Variants in CLSTN1 observed in about 807,000 individuals in gnomAD.
The protein encoded by CLSTN1 is calsyntenin 1, also known as calsyntenin-1.
A neutral mutation model predicts 108.3 loss-of-function variants in CLSTN1; 28 were observed. The ratio of observed to expected loss-of-function variants is 0.26; its 90% CI spans 0.19 to 0.35. The LOEUF is 0.35. Among genes scored for constraint, CLSTN1 ranks in the 10% least tolerant of loss-of-function variants. The pLI, the probability that CLSTN1 is intolerant of heterozygous loss-of-function variation, is 1.00. For synonymous variants in CLSTN1, 524 were observed against 534.9 expected, an observed-to-expected ratio of 0.98 and a Z score of 0.28; for missense variants, 1,157 against 1,302.6, an observed-to-expected ratio of 0.89 and a Z score of 1.72.
intron 1 of CLSTN1, among the ~76,000 whole-genome samples, chr1:9,795,862 G>C (rs1357435141): frequency 6.6e-6 from 1 of 150,892 alleles, no homozygotes; most frequent in East Asian, 2.0e-4. Context: ...GGCTGAGGCA[G>C]GAGAACTGCT....
chr1:9,806,233 G>C (rs956218148), intron 1 of CLSTN1, among the ~76,000 whole-genome samples: 1 of 151,320 alleles, frequency 6.6e-6, no homozygotes, highest in African/African-American at 2.4e-5. Flanking sequence ...GGGGGTGGAG[G>C]GGGGGAGGTT....
intron 1 of CLSTN1, among the ~76,000 whole-genome samples, chr1:9,793,918 T>C (rs1653876760): frequency 6.6e-6 from 1 of 151,494 alleles, no homozygotes. Context: ...CTTCCCCTGG[T>C]GGGCCAGGGT....
intron 1 of CLSTN1, among the ~76,000 whole-genome samples, chr1:9,781,394 G>A (rs1006193825): frequency 6.6e-6 from 1 of 151,488 alleles, no homozygotes; most frequent in Admixed American, 6.6e-5. Flanking sequence ...ATAAATCAGT[G>A]GAAAGTGGCT....
At chr1:9,824,415 C>G (rs1186283048), upstream of CLSTN1, 1 of 152,130 alleles carries the variant, frequency 6.6e-6, no homozygotes, top group African/African-American at 2.4e-5. This position sits in a 1 kb window ranked among gnomAD's most constrained non-coding sequence, Gnocchi z 5.0. Context: ...CGGAGCAGTG[C>G]GGCCCAGGAC....
In CLSTN1 at chr1:9,799,982, C is replaced by G. The variant is rs115395948; in HGVS notation, c.91+23661G>C. 7.2e-5 allele frequency among the ~76,000 whole-genome samples: 11 copies of G among 151,984 alleles called. No homozygotes were observed. In the East Asian group the frequency reaches 2.1e-3, roughly 29 times the overall value. On this transcript the variant is annotated intron_variant, in intron 1 of 18. Transcript: ENST00000377298. Reference sequence around the variant, plus strand: ...CAAAAAACCACACATAAATGTAACACGTGGATCAACAAAGAAATATCGAGG... The same window carrying G: ...CAAAAAACCACACATAAATGTAACAGGTGGATCAACAAAGAAATATCGAGG...
intron 1 of CLSTN1, among the ~76,000 whole-genome samples, chr1:9,784,996 C>CA: frequency 7.5e-6 from 1 of 133,470 alleles, no homozygotes; most frequent in Middle Eastern, 3.8e-3. Flanking sequence ...GTCATAAATT[C>CA]TTTTTTTTTT....
At chr1:9,754,182 GA>G (rs1425466753) in intron 4 of CLSTN1, among the ~76,000 whole-genome samples, 1 of 152,060 alleles carries the variant, frequency 6.6e-6, no homozygotes, top group Non-Finnish European at 1.5e-5. Flanking sequence ...TCCTAAGGGA[GA>G]AGCAGACTTT....
chr1:9,761,565 A>G (rs1007561694), intron 2 of CLSTN1, among the ~76,000 whole-genome samples: 2 of 152,156 alleles, frequency 1.3e-5, no homozygotes, highest in African/African-American at 4.8e-5. Flanking sequence ...TGAAAAATGG[A>G]TGAACCCAAC....
At chr1:9,781,203 C>T in intron 1 of CLSTN1, 2 of 787,388 alleles carry the variant, frequency 2.5e-6, no homozygotes, top group Non-Finnish European at 4.5e-6. Context: ...CGCAAGGCTA[C>T]TGAAGCACTA....
chr1:9,822,327 G>T (rs1655219016), intron 1 of CLSTN1, among the ~76,000 whole-genome samples: 1 of 152,144 alleles, frequency 6.6e-6, no homozygotes, highest in Non-Finnish European at 1.5e-5. Context: ...TGAAATAAAA[G>T]AAGTATTCAA....
chr1:9,735,563 C>G lies in CLSTN1; in HGVS notation c.1787G>C (p.Gly596Ala). Reference protein sequence around the residue: ...LVLTLEGEDLGELDKAMQHIS... With the variant: ...LVLTLEGEDLAELDKAMQHIS... ...GTGCTGCATGGCCTTATCCAATTCCCCGAGGTCTTCTCCCTCCAAGGTCAA... is the reference window on the plus strand; with the variant it reads ...GTGCTGCATGGCCTTATCCAATTCCGCGAGGTCTTCTCCCTCCAAGGTCAA... Residue 596 changes from glycine (G) to alanine (A), a missense_variant, in exon 13 of 19, where the codon GGG becomes GCG. Physicochemically the swap from Gly to Ala is moderately conservative, Grantham distance 60. Transcript: ENST00000377298. 6.2e-7 allele frequency: 1 copy of G among 1,614,124 alleles called. No individual in the cohort carries two copies. The highest frequency in any genetic ancestry group is 1.1e-5 in the South Asian group (1 of 91,080).
chr1:9,730,744 G>A lies in CLSTN1; in HGVS notation c.2749-39C>T, dbSNP rs1650327702. On this transcript the variant is annotated intron_variant, in intron 18 of 18. Coordinates refer to ENST00000377298, the MANE Select transcript of CLSTN1 (RefSeq NM_001009566.3). The surrounding 1 kb of genome is among the most constrained non-coding windows in gnomAD (Gnocchi z 5.6). ...GTGACGGCCACATGAGTCCGGCCCT[G>A]CCCACAGCCCCGTCACCTGGCATTC... 2 of 1,537,452 alleles carry A rather than the reference G, an allele frequency of 1.3e-6. No homozygotes were observed. The highest frequency in any genetic ancestry group is 1.8e-6 in the Non-Finnish European group (2 of 1,137,992).
At chr1:9,808,319 C>T (rs1002708076) in intron 1 of CLSTN1, among the ~76,000 whole-genome samples, 11 of 152,312 alleles carry the variant, frequency 7.2e-5, no homozygotes, top group African/African-American at 2.6e-4. Context: ...TGTACTGCAA[C>T]GTGGGTGAGC....
intron 1 of CLSTN1, among the ~76,000 whole-genome samples, chr1:9,808,064 C>G (rs1440860509): frequency 1.3e-5 from 2 of 152,216 alleles, no homozygotes. Flanking sequence ...CGCTGGTTTA[C>G]AGAATGACAG....
intron 1 of CLSTN1, among the ~76,000 whole-genome samples, chr1:9,820,910 G>GGGGA (rs1557730806): frequency 6.6e-6 from 1 of 152,210 alleles, no homozygotes; most frequent in Non-Finnish European, 1.5e-5. Flanking sequence ...AGGATGGTGA[G>GGGGA]GGGAGGTCTC....
chr1:9,774,107 A>C (rs1269160808), intron 1 of CLSTN1, among the ~76,000 whole-genome samples: 2 of 152,040 alleles, frequency 1.3e-5, no homozygotes, highest in Non-Finnish European at 2.9e-5. Flanking sequence ...GTAGGATCTC[A>C]GCTCACTCAC....
chr1:9,747,643 C>A (rs918332417), intron 7 of CLSTN1, among the ~76,000 whole-genome samples: 1 of 151,956 alleles, frequency 6.6e-6, no homozygotes, highest in African/African-American at 2.4e-5. Flanking sequence ...AGTATAGGCA[C>A]CTCGCACCAC....
At chr1:9,802,843 G>A (rs376800451) in intron 1 of CLSTN1, among the ~76,000 whole-genome samples, 2 of 35,908 alleles carry the variant, frequency 5.6e-5, no homozygotes, top group African/African-American at 1.7e-4. Context: ...TTTTTTTTTT[G>A]AGACAGAGTC....
At chr1:9,813,019 C>A (rs901488892) in intron 1 of CLSTN1, among the ~76,000 whole-genome samples, 2 of 151,122 alleles carry the variant, frequency 1.3e-5, no homozygotes, top group Non-Finnish European at 2.9e-5. Flanking sequence ...CAAAAATTAG[C>A]CAGGCATGGT....
Sources: allele counts gnomAD v4.1 joint callset (sites outside exome capture counted in the v4.1 genomes callset), GRCh38; gene constraint gnomAD v4.1.1; non-coding constraint Gnocchi (gnomAD v3.1); transcripts MANE v1.5; gene names NCBI Gene and HGNC (gene_info 2026-07-23, HGNC 2026-07-21).